Variants in NRG3 observed in about 807,000 individuals in gnomAD.
NRG3 encodes the protein pro-neuregulin-3, membrane-bound isoform.
NRG3 carries 31 observed loss-of-function variants against 66.9 expected under a neutral mutation model. The observed-to-expected ratio is 0.46, with a 90% CI of 0.35 to 0.63. The LOEUF (loss-of-function observed/expected upper bound fraction) is 0.63, where lower values mean the gene tolerates loss of function less well. NRG3 is among the 20% of genes least tolerant of loss of function. The pLI is 0.00. For synonymous variants in NRG3, 393 were observed against 359.4 expected (o/e 1.09, Z -1.06); for missense variants, 910 against 878.9 (o/e 1.04, Z -0.45).
chr10:82,033,114 G>A (rs2132907358), intron 1 of NRG3, among the ~76,000 whole-genome samples: 2 of 152,204 alleles, frequency 1.3e-5, no homozygotes, highest in Middle Eastern at 6.8e-3. Context: ...AAAATTGAAG[G>A]AAAACTGGCC....
At chr10:81,877,234 C>T (rs188978440) in intron 1 of NRG3, among the ~76,000 whole-genome samples, 38 of 152,236 alleles carry the variant, frequency 2.5e-4, no homozygotes, top group African/African-American at 9.1e-4. Flanking sequence ...CACCCCAACC[C>T]CCACCTTGTT....
intron 1 of NRG3, among the ~76,000 whole-genome samples, chr10:82,032,774 A>G (rs1333981757): frequency 6.6e-6 from 1 of 152,094 alleles, no homozygotes; most frequent in Admixed American, 6.6e-5. Flanking sequence ...ATTGGCTTGC[A>G]ATGGAGAATA....
chr10:81,935,871 G>A (rs1348539476), intron 1 of NRG3, among the ~76,000 whole-genome samples: 1 of 135,048 alleles, frequency 7.4e-6, no homozygotes, highest in Non-Finnish European at 1.5e-5. Context: ...ACTTTTCAGT[G>A]CCTGAACACA....
chr10:82,878,612 G>A (rs1842035730), intron 4 of NRG3, among the ~76,000 whole-genome samples: 1 of 152,176 alleles, frequency 6.6e-6, no homozygotes, highest in East Asian at 1.9e-4. Context: ...GGTCTTCGAG[G>A]AAAGAGCACT....
At chr10:82,279,653 A>C (rs758857436) in intron 1 of NRG3, among the ~76,000 whole-genome samples, 1 of 152,184 alleles carries the variant, frequency 6.6e-6, no homozygotes, top group Non-Finnish European at 1.5e-5. Context: ...CTGACAACGA[A>C]CACGGAGTGA....
chr10:82,910,537 G>A (rs1845218111), intron 4 of NRG3, among the ~76,000 whole-genome samples: 2 of 152,228 alleles, frequency 1.3e-5, no homozygotes, highest in Non-Finnish European at 2.9e-5. Flanking sequence ...TGAATCACCA[G>A]AGACATCTTC....
At chr10:82,564,228 A>G (rs2045243853) in intron 2 of NRG3, among the ~76,000 whole-genome samples, 1 of 152,194 alleles carries the variant, frequency 6.6e-6, no homozygotes, top group Admixed American at 6.6e-5. Flanking sequence ...TTTGTAGGAA[A>G]TAAAAAGTGT....
intron 1 of NRG3, among the ~76,000 whole-genome samples, chr10:82,171,812 C>T (rs1590402114): frequency 6.6e-6 from 1 of 152,090 alleles, no homozygotes; most frequent in Admixed American, 6.6e-5. Context: ...GAGGGAAGAA[C>T]AAGGATATCC....
intron 2 of NRG3, among the ~76,000 whole-genome samples, chr10:82,682,835 A>C (rs1002120912): frequency 1.3e-5 from 2 of 152,080 alleles, no homozygotes; most frequent in Admixed American, 6.6e-5. Context: ...AGTTTCTTTA[A>C]ATAGGACAAA....
chr10:82,223,642 A>AAC (rs398014296), intron 1 of NRG3, among the ~76,000 whole-genome samples: 6,879 of 137,942 alleles, frequency 0.05, 178 homozygotes, highest in African/African-American at 0.091. Flanking sequence ...AACCACCCCA[A>AAC]ACACACACAC....
chr10:82,853,141 T>C lies in NRG3; in HGVS notation c.1028-12270T>C, dbSNP rs183475865. On this transcript the variant is annotated intron_variant, in intron 3 of 8. Transcript: ENST00000372141. ...TAATTCCAAATATGGAGTGTGTGTA[T>C]GTGTGTATTTTAATGGACATCTTTT... Among the ~76,000 whole-genome samples, 67 of 152,296 alleles carry C rather than the reference T, an allele frequency of 4.4e-4. No individual in the cohort carries two copies. In the South Asian group the frequency reaches 0.012, roughly 26 times the overall value.
At chr10:82,177,024 C>T (rs943194596) in intron 1 of NRG3, among the ~76,000 whole-genome samples, 7 of 151,794 alleles carry the variant, frequency 4.6e-5, no homozygotes, top group East Asian at 1.9e-4. Context: ...TACTCAACAT[C>T]GTAGCCTACC....
At chr10:82,626,227 C>A (rs1305516682) in intron 2 of NRG3, among the ~76,000 whole-genome samples, 1 of 152,098 alleles carries the variant, frequency 6.6e-6, no homozygotes, top group Non-Finnish European at 1.5e-5. Context: ...TAATACTTGT[C>A]AATTTATTAA....
intron 2 of NRG3, among the ~76,000 whole-genome samples, chr10:82,594,730 C>G (rs1049095270): frequency 6.6e-6 from 1 of 152,034 alleles, no homozygotes; most frequent in Non-Finnish European, 1.5e-5. Context: ...TTTCTCCATT[C>G]CTGGGTCTTA....
At chr10:82,665,906 A>G (rs774171087) in intron 2 of NRG3, among the ~76,000 whole-genome samples, 1 of 152,142 alleles carries the variant, frequency 6.6e-6, no homozygotes, top group African/African-American at 2.4e-5. Context: ...TCTGTTGCAC[A>G]GGATGAGTAC....
intron 8 of NRG3, among the ~76,000 whole-genome samples, chr10:82,981,322 T>C (rs1424707742): frequency 6.6e-6 from 1 of 152,210 alleles, no homozygotes; most frequent in East Asian, 1.9e-4. Flanking sequence ...TTCCCATGTG[T>C]GATATCCACC....
intron 1 of NRG3, among the ~76,000 whole-genome samples, chr10:81,990,041 T>A (rs1295040561): frequency 6.6e-6 from 1 of 152,164 alleles, no homozygotes; most frequent in African/African-American, 2.4e-5. Flanking sequence ...GGAGAAAGTT[T>A]GAAGAGGCAA....
chr10:81,992,733 C>A (rs980297065), intron 1 of NRG3, among the ~76,000 whole-genome samples: 1 of 152,132 alleles, frequency 6.6e-6, no homozygotes, highest in Non-Finnish European at 1.5e-5. Context: ...GGTCTCCATT[C>A]TATAGGCTCT....
intron 2 of NRG3, among the ~76,000 whole-genome samples, chr10:82,451,041 A>T (rs2136576058): frequency 6.6e-6 from 1 of 152,318 alleles, no homozygotes; most frequent in East Asian, 1.9e-4. Flanking sequence ...TTCCTGATAC[A>T]AAAAAGAATA....
Sources: gnomAD v4.1 joint callset for allele counts (sites outside exome capture counted in the v4.1 genomes callset) on GRCh38, gnomAD v4.1.1 for gene constraint, MANE v1.5 for transcripts, NCBI Gene and HGNC (gene_info 2026-07-23, HGNC 2026-07-21) for gene names.